The following GPC6 variants were observed in gnomAD, a reference collection of about 807,000 sequenced individuals.
The protein encoded by GPC6 is glypican 6, also known as glypican-6.
In GPC6, 14 loss-of-function variants were observed where a neutral mutation model predicts 55.2. The ratio of observed to expected loss-of-function variants is 0.25; its 90% CI spans 0.17 to 0.40. GPC6 has a LOEUF of 0.40. Ranked by LOEUF, GPC6 falls within the 10% of genes least tolerant of loss-of-function variation. The probability of loss-of-function intolerance (pLI) is 1.00; values close to 1 mark genes in which losing one functional copy is unlikely to be tolerated. For synonymous variants in GPC6, 278 were observed against 259.6 expected, an observed-to-expected ratio of 1.07 and a Z score of -0.68; for missense variants, 641 against 708.5, an observed-to-expected ratio of 0.90 and a Z score of 1.08.
intron 4 of GPC6, among the ~76,000 whole-genome samples, chr13:94,206,100 C>T (rs963942431): frequency 1.3e-5 from 2 of 152,162 alleles, no homozygotes; most frequent in African/African-American, 4.8e-5. Context: ...TTGTCAAGAA[C>T]ATTTCACAAT....
At chr13:93,912,053 C>T (rs899071846) in intron 3 of GPC6, among the ~76,000 whole-genome samples, 2 of 152,110 alleles carry the variant, frequency 1.3e-5, no homozygotes, top group Admixed American at 1.3e-4. Context: ...AGCATGAGAG[C>T]TTTATCCTGT....
intron 4 of GPC6, among the ~76,000 whole-genome samples, chr13:94,051,442 A>G (rs1883945237): frequency 6.6e-6 from 1 of 152,132 alleles, no homozygotes; most frequent in Admixed American, 6.6e-5. Context: ...ACATGCATCT[A>G]AGGCATATAC....
At chr13:94,089,858 G>T (rs1400408799) in intron 4 of GPC6, among the ~76,000 whole-genome samples, 1 of 152,028 alleles carries the variant, frequency 6.6e-6, no homozygotes, top group African/African-American at 2.4e-5. Flanking sequence ...AGGCAAATTT[G>T]CAAACACAGA....
At chr13:94,009,820 G>C (rs1882170589) in intron 3 of GPC6, among the ~76,000 whole-genome samples, 1 of 152,150 alleles carries the variant, frequency 6.6e-6, no homozygotes, top group African/African-American at 2.4e-5. Context: ...TGATATAGAA[G>C]AAAGTACCAT....
intron 4 of GPC6, among the ~76,000 whole-genome samples, chr13:94,190,564 C>A (rs1889358484): frequency 6.6e-6 from 1 of 152,166 alleles, no homozygotes; most frequent in Non-Finnish European, 1.5e-5. Context: ...TCCTAGTCTT[C>A]ATCCTGGGCT....
intron 2 of GPC6, among the ~76,000 whole-genome samples, chr13:93,738,456 C>T (rs904641430): frequency 9.9e-5 from 15 of 152,014 alleles, no homozygotes; most frequent in African/African-American, 3.4e-4. Flanking sequence ...GCTTCTAAGC[C>T]GTTTTCAGAC....
At chr13:94,255,283 C>T (rs948461925) in intron 4 of GPC6, among the ~76,000 whole-genome samples, 15 of 152,128 alleles carry the variant, frequency 9.9e-5, no homozygotes, top group Admixed American at 8.5e-4. Flanking sequence ...CCAAATCATG[C>T]AGATTTCTCT....
intron 3 of GPC6, among the ~76,000 whole-genome samples, chr13:93,878,254 G>C (rs1181796801): frequency 6.6e-6 from 1 of 152,102 alleles, no homozygotes; most frequent in East Asian, 2.0e-4. Flanking sequence ...GGGGCATTTA[G>C]GAGGTAATTA....
chr13:93,972,402 A>G (rs1566628737), intron 3 of GPC6, among the ~76,000 whole-genome samples: 1 of 152,168 alleles, frequency 6.6e-6, no homozygotes, highest in Non-Finnish European at 1.5e-5. Flanking sequence ...GTATGTCCCT[A>G]GAGATCTTTA....
At chr13:93,581,643 G>A (rs918067084) in intron 2 of GPC6, among the ~76,000 whole-genome samples, 1 of 152,136 alleles carries the variant, frequency 6.6e-6, no homozygotes, top group Non-Finnish European at 1.5e-5. Context: ...GGAGGAGATC[G>A]CAGTGAGCGA....
intron 2 of GPC6, among the ~76,000 whole-genome samples, chr13:93,644,639 G>A (rs1956252256): frequency 6.6e-6 from 1 of 151,864 alleles, no homozygotes; most frequent in South Asian, 2.1e-4. Flanking sequence ...TGTAGGCAGA[G>A]GAATTAAAGG....
chr13:93,392,696 T>A (rs148593051), intron 1 of GPC6, among the ~76,000 whole-genome samples: 12 of 152,256 alleles, frequency 7.9e-5, no homozygotes, highest in African/African-American at 2.9e-4. Flanking sequence ...TTTCCCAAGT[T>A]TTGCACTTGT....
intron 1 of GPC6, among the ~76,000 whole-genome samples, chr13:93,297,638 A>C (rs1215686972): frequency 6.6e-6 from 1 of 151,900 alleles, no homozygotes; most frequent in Non-Finnish European, 1.5e-5. Context: ...AAAAAGTAAA[A>C]AGTAAAAAAC....
chr13:93,311,688 A>T (rs566195707), intron 1 of GPC6, among the ~76,000 whole-genome samples: 2 of 152,326 alleles, frequency 1.3e-5, no homozygotes, highest in East Asian at 3.9e-4. Flanking sequence ...ACAAATAATG[A>T]TATAAATAGA....
chr13:94,327,689 AGTGG>A (rs3044331), intron 6 of GPC6, among the ~76,000 whole-genome samples: 9,375 of 152,174 alleles, frequency 0.062, 722 homozygotes, highest in East Asian at 0.35. Context: ...TTCAAAAGTG[AGTGG>A]GTCGGAGTAT....
intron 3 of GPC6, among the ~76,000 whole-genome samples, chr13:93,849,153 T>C (rs1029508829): frequency 2.0e-5 from 3 of 152,158 alleles, no homozygotes; most frequent in African/African-American, 4.8e-5. Context: ...TTGGATATGG[T>C]AGACGTTGAA....
In GPC6 at chr13:94,074,278, G is replaced by A. The variant is rs551012026; in HGVS notation, c.877+46384G>A. Among the ~76,000 whole-genome samples the A allele has an allele frequency of 5.3e-5, 8 of 152,188 alleles. No homozygotes were observed. In the South Asian group the frequency reaches 8.3e-4, roughly 16 times the overall value. On this transcript the variant is annotated intron_variant, in intron 4 of 8. Transcript: ENST00000377047. ...TACTTTTCAAAATAGGGGCAAATAC[G>A]TTTGCTCATTCCTCTGTTTCAAGAG...
At chr13:93,521,871 T>G (rs1484658947) in intron 1 of GPC6, among the ~76,000 whole-genome samples, 1 of 152,002 alleles carries the variant, frequency 6.6e-6, no homozygotes, top group Non-Finnish European at 1.5e-5. Flanking sequence ...AAGTGCAGTT[T>G]ATTTTATCAT....
chr13:94,305,796 A>T (rs1266506701), intron 5 of GPC6, among the ~76,000 whole-genome samples, 184 bp from the exon 6 acceptor site: 1 of 152,234 alleles, frequency 6.6e-6, no homozygotes, highest in African/African-American at 2.4e-5. Context: ...GTCACTGTGT[A>T]TCTGTCTGGG....
Sources: gnomAD v4.1 joint callset for allele counts (sites outside exome capture counted in the v4.1 genomes callset) on GRCh38, gnomAD v4.1.1 for gene constraint, MANE v1.5 for transcripts, NCBI Gene and HGNC (gene_info 2026-07-23, HGNC 2026-07-21) for gene names.